Variants in SVIL observed in about 807,000 individuals in gnomAD.
The protein encoded by SVIL is archvillin.
In SVIL, 101 loss-of-function variants were observed where a neutral mutation model predicts 240.4. That is an observed-to-expected ratio of 0.42 (90% CI 0.36 to 0.50). The LOEUF (loss-of-function observed/expected upper bound fraction) is 0.50, where lower values mean the gene tolerates loss of function less well. SVIL is among the 20% of genes least tolerant of loss of function. The pLI is 0.01. For missense variants in SVIL, 2,512 were observed against 2,818.7 expected, an observed-to-expected ratio of 0.89 and a Z score of 2.46; for synonymous variants, 999 against 1,100.0, an observed-to-expected ratio of 0.91 and a Z score of 1.82.
chr10:29,697,819 A>AAAC (rs905589449), intron 1 of SVIL: 24 of 269,810 alleles, frequency 8.9e-5, no homozygotes, highest in Middle Eastern at 1.1e-3. Context: ...ATTAAAAAGA[A>AAAC]AACAACAACA....
rs189444745 is a variant in SVIL, at chr10:29,604,587, T to C, written c.-201+29833A>G. ...ACTTACTTACTCATTGATGGATTGA[T>C]AGGGTCCTGCTCTGTTGCCCAGGCT... On this transcript the variant is annotated intron_variant, in intron 1 of 37. Coordinates refer to ENST00000355867, the MANE Select transcript of SVIL (RefSeq NM_021738.3). Among the ~76,000 whole-genome samples, 12 of 147,264 alleles carry C rather than the reference T, an allele frequency of 8.1e-5. No homozygotes were observed. The East Asian group carries it at 2.5e-3, about 31-fold the overall frequency.
At chr10:29,543,305 T>G (rs1197576506) in intron 6 of SVIL, among the ~76,000 whole-genome samples, 3 of 152,184 alleles carry the variant, frequency 2.0e-5, no homozygotes, top group African/African-American at 7.2e-5. Flanking sequence ...TCTGGACACA[T>G]TTGTCAGTGG....
chr10:29,477,237 A>G (rs1230923894), intron 29 of SVIL, among the ~76,000 whole-genome samples: 1 of 152,254 alleles, frequency 6.6e-6, no homozygotes, highest in East Asian at 1.9e-4. Flanking sequence ...GGCACTTTCA[A>G]GAATGTTTGG....
At chr10:29,647,600 C>G (rs1308329696) in intron 3 of SVIL, among the ~76,000 whole-genome samples, 1 of 151,578 alleles carries the variant, frequency 6.6e-6, no homozygotes, top group Non-Finnish European at 1.5e-5. Flanking sequence ...ACTGCTTTTA[C>G]TACCCATTTT....
upstream of SVIL, among the ~76,000 whole-genome samples, chr10:29,635,290 C>T (rs1276879067): frequency 1.3e-5 from 2 of 152,214 alleles, no homozygotes; most frequent in South Asian, 4.1e-4. Context: ...ACACTGAACA[C>T]CCCAAAAGTA....
intron 2 of SVIL, among the ~76,000 whole-genome samples, chr10:29,564,383 G>A (rs1358006849): frequency 2.0e-5 from 3 of 152,188 alleles, no homozygotes; most frequent in African/African-American, 7.2e-5. Flanking sequence ...TCTTTGATGT[G>A]GTCGGAGCGG....
chr10:29,512,715 C>G lies in SVIL; in HGVS notation c.3516+20G>C, dbSNP rs1196439405. The G allele has an allele frequency of 6.4e-5, 104 of 1,614,012 alleles. No homozygotes were observed. Among genetic ancestry groups the G allele is most frequent in the Non-Finnish European group, 8.6e-5 (102 of 1,180,050 alleles). On this transcript the variant is annotated intron_variant, in intron 17 of 37. Transcript: ENST00000355867. ...GAGTGATGTTAGTCGGAAGGCTTTT[C>G]CTAACATGGGGAATGTTACCTTCTT... is the stretch of plus-strand genomic sequence containing the variant.
At chr10:29,611,268 C>T (rs1247443) in intron 1 of SVIL, among the ~76,000 whole-genome samples, 63,979 of 151,770 alleles carry the variant, frequency 0.42, 13,667 homozygotes, top group African/African-American at 0.47. Flanking sequence ...ATCTTCAGTA[C>T]ACTGCTCCTT....
intron 16 of SVIL, among the ~76,000 whole-genome samples, chr10:29,522,094 G>T (rs892845422): frequency 1.3e-5 from 2 of 152,142 alleles, no homozygotes; most frequent in Non-Finnish European, 2.9e-5. Flanking sequence ...GATAGTCCAA[G>T]AATTTAATAT....
chr10:29,645,201 T>C (rs1311178761), intron 3 of SVIL, among the ~76,000 whole-genome samples: 1 of 152,120 alleles, frequency 6.6e-6, no homozygotes, highest in Non-Finnish European at 1.5e-5. Context: ...TTCTAAAAAC[T>C]TGAAATTCTA....
chr10:29,538,001 T>A lies in SVIL; in HGVS notation c.828-1932A>T, dbSNP rs529513173. On this transcript the variant is annotated intron_variant, in intron 6 of 37. Transcript: ENST00000355867. ...CAACTTTTATTTGATGGGAAGAGTT[T>A]GGCGCATCGCCTGCAGCCAGGAACG... Among the ~76,000 whole-genome samples, 13 of 152,350 alleles carry A rather than the reference T, an allele frequency of 8.5e-5. No homozygotes were observed. In the South Asian group the frequency reaches 1.7e-3, roughly 19 times the overall value.
At position 29,495,909 on chromosome 10, in the gene SVIL, G is replaced by T. The variant is rs144727316; in HGVS notation, c.3665-728C>A. ...CTTAGTAAACAGAAGGATGAGTATC[G>T]CTTCCCTAATCTAAGTGGAAGGCAT... On this transcript the variant is annotated intron_variant, in intron 18 of 37. Transcript: ENST00000355867. Among the ~76,000 whole-genome samples the T allele has an allele frequency of 4.7e-3, 713 of 152,260 alleles. 6 individuals are homozygous for T. The highest frequency in any genetic ancestry group is 0.016 in the African/African-American group (684 of 41,550).
chr10:29,594,913 C>G (rs963931278), intron 1 of SVIL, among the ~76,000 whole-genome samples: 1 of 152,234 alleles, frequency 6.6e-6, no homozygotes, highest in African/African-American at 2.4e-5. Context: ...AAACACACCT[C>G]TGGGTTGTAT....
At chr10:29,624,304 G>A (rs1335008973) in intron 1 of SVIL, among the ~76,000 whole-genome samples, 4 of 152,074 alleles carry the variant, frequency 2.6e-5, no homozygotes, top group Non-Finnish European at 5.9e-5. Context: ...CTGGGAGGCC[G>A]AGGTGGGTGG....
intron 1 of SVIL, among the ~76,000 whole-genome samples, chr10:29,725,714 G>A (rs547943441): frequency 6.6e-6 from 1 of 152,262 alleles, no homozygotes; most frequent in South Asian, 2.1e-4. Context: ...GCTCAGTCAG[G>A]CTGATGGCCA....
intron 1 of SVIL, among the ~76,000 whole-genome samples, chr10:29,695,510 T>G (rs899519496): frequency 4.6e-5 from 7 of 151,548 alleles, no homozygotes; most frequent in African/African-American, 1.7e-4. Context: ...CTTTGGGAGG[T>G]CAAGGTGGGT....
chr10:29,586,159 C>A (rs1685970475), intron 1 of SVIL, among the ~76,000 whole-genome samples: 1 of 152,104 alleles, frequency 6.6e-6, no homozygotes, highest in South Asian at 2.1e-4. Context: ...TGGCTATTAA[C>A]CACACACACT....
intron 36 of SVIL, among the ~76,000 whole-genome samples, chr10:29,461,012 T>C (rs1182171526): frequency 6.6e-6 from 1 of 152,196 alleles, no homozygotes; most frequent in Non-Finnish European, 1.5e-5. Context: ...CCCTCCCTAA[T>C]TCCTGTTTCC....
intron 1 of SVIL, among the ~76,000 whole-genome samples, chr10:29,605,919 T>C (rs1399908361): frequency 6.6e-6 from 1 of 151,382 alleles, no homozygotes; most frequent in African/African-American, 2.5e-5. Context: ...TTTTTATTTT[T>C]ATTTATTTTG....
Sources: allele counts gnomAD v4.1 joint callset (sites outside exome capture counted in the v4.1 genomes callset), GRCh38; gene constraint gnomAD v4.1.1; transcripts MANE v1.5; gene names NCBI Gene and HGNC (gene_info 2026-07-23, HGNC 2026-07-21).